ZNF831: variants seen among roughly 807,000 people sequenced by gnomAD.
The protein encoded by ZNF831 is zinc finger protein 831.
Under a neutral mutation model 95.8 loss-of-function variants are expected in ZNF831, and 59 were observed. The observed-to-expected ratio is 0.62, with a 90% CI of 0.50 to 0.77. ZNF831 has a LOEUF of 0.77. Among genes scored for constraint, ZNF831 ranks in the 30% least tolerant of loss-of-function variants. The pLI, the probability that ZNF831 is intolerant of heterozygous loss-of-function variation, is 0.00. For synonymous variants in ZNF831, 961 were observed against 925.5 expected (o/e 1.04, Z -0.70); for missense variants, 2,205 against 2,164.0 (o/e 1.02, Z -0.38).
chr20:59,155,100 A>G (rs142823503), intron 2 of ZNF831, among the ~76,000 whole-genome samples: 2,298 of 152,276 alleles, frequency 0.015, 22 homozygotes, highest in Non-Finnish European at 0.024. Flanking sequence ...ACTTGAATAC[A>G]GTTTCCCTGA....
At chr20:59,211,738 A>T (rs943048563) in intron 4 of ZNF831, among the ~76,000 whole-genome samples, 4 of 151,630 alleles carry the variant, frequency 2.6e-5, no homozygotes, top group Non-Finnish European at 4.4e-5. Context: ...CGCGTCCTGG[A>T]TGGAGAGATC....
chr20:59,130,970 C>T lies in ZNF831; in HGVS notation c.-1425+7465C>T, dbSNP rs1002298511. Among the ~76,000 whole-genome samples, 4 of 152,074 alleles carry T rather than the reference C, an allele frequency of 2.6e-5. No homozygotes were observed. The South Asian group carries it at 8.3e-4, about 32-fold the overall frequency. On this transcript the variant is annotated intron_variant, in intron 1 of 7. Transcript: ENST00000637017. ...CCTCTTATCACAGCTGGTTGTGAGG[C>T]CTGAGTAAATGGGCGTGGAAGCATG...
chr20:59,157,776 C>G (rs1435317302), intron 2 of ZNF831, among the ~76,000 whole-genome samples: 1 of 152,050 alleles, frequency 6.6e-6, no homozygotes, highest in Non-Finnish European at 1.5e-5. Context: ...ACTGATTAGC[C>G]AGCCCCCCAA....
At chr20:59,188,648 C>T (rs1280311591) in intron 1 of ZNF831, among the ~76,000 whole-genome samples, 1 of 149,054 alleles carries the variant, frequency 6.7e-6, no homozygotes, top group African/African-American at 2.5e-5. Context: ...CAGAGTGAGA[C>T]TCCATCTCAA....
At position 59,169,548 on chromosome 20, in the gene ZNF831, T is replaced by C. The variant is rs11908141; in HGVS notation, c.-37+5341T>C. The stretch of plus-strand genomic sequence containing the variant: ...TGGGAGGCTGAGATGGGTGGATCAC[T>C]TGAGGCCAGGAGTTCGAAACCAGCC... On this transcript the variant is annotated intron_variant, in intron 1 of 5. Coordinates refer to ENST00000371030, the MANE Select transcript of ZNF831 (RefSeq NM_178457.3). This position sits in a 1 kb window ranked among gnomAD's most constrained non-coding sequence, Gnocchi z 4.1. Among the ~76,000 whole-genome samples, 16,331 of 152,124 alleles carry C rather than the reference T, an allele frequency of 0.11. 949 individuals carry two copies. Among genetic ancestry groups the C allele is most frequent in the Non-Finnish European group, 0.12 (8,038 of 67,982 alleles).
In ZNF831 at chr20:59,192,401, C is replaced by T. The variant is rs2146565026; in HGVS notation, c.1382C>T (p.Pro461Leu). The change falls in exon 2 of 6, where the codon CCA becomes CTA. Residue 461 changes from proline (P) to leucine (L), a missense_variant. Physicochemically the swap from Pro to Leu is moderately conservative, Grantham distance 98. Coordinates refer to ENST00000371030, the MANE Select transcript of ZNF831 (RefSeq NM_178457.3). The surrounding 1 kb of genome is among the most constrained non-coding windows in gnomAD (Gnocchi z 5.2). ...SFHFDIRALE[P>L]GRRRAPGPVR... is the part of the protein sequence containing the mutation. ...CACTTTGACATCCGCGCGCTGGAGC[C>T]AGGCCGTAGGAGGGCCCCGGGCCCC... is the stretch of plus-strand genomic sequence containing the variant. The T allele has an allele frequency of 6.2e-7, 1 of 1,612,296 alleles. No homozygotes were observed. The highest frequency in any genetic ancestry group is 8.5e-7 in the Non-Finnish European group (1 of 1,179,562).
At chr20:59,214,842 T>C (rs575837695) in intron 4 of ZNF831, among the ~76,000 whole-genome samples, 2 of 152,352 alleles carry the variant, frequency 1.3e-5, no homozygotes, top group East Asian at 3.9e-4. Flanking sequence ...GGCAACGTCA[T>C]TGATTTTGTT....
At chr20:59,251,777 A>G (rs767140435) in intron 4 of ZNF831, among the ~76,000 whole-genome samples, 1 of 152,256 alleles carries the variant, frequency 6.6e-6, no homozygotes, top group Non-Finnish European at 1.5e-5. Flanking sequence ...AAATGAGTCC[A>G]TAGAAAACTC....
chr20:59,236,053 C>T (rs1986982656), intron 4 of ZNF831, among the ~76,000 whole-genome samples: 1 of 152,214 alleles, frequency 6.6e-6, no homozygotes, highest in Non-Finnish European at 1.5e-5. Context: ...ATTTTTCACC[C>T]TGGACCTCTG....
upstream of ZNF831, chr20:59,160,191 C>A (rs1339131216): frequency 6.6e-6 from 1 of 152,314 alleles, no homozygotes; most frequent in Non-Finnish European, 1.5e-5. Context: ...TCATGGCTGA[C>A]CTTGGGAGGA....
At position 59,136,162 on chromosome 20, in the gene ZNF831, C is replaced by T. The variant is rs187872004; in HGVS notation, c.-1424-10069C>T. ...TGCCTCATTCCTTGGCTCATGGCCCCCTTCAAGGCCAGCATAGGCTGTCAA... is the reference window on the plus strand; with the variant it reads ...TGCCTCATTCCTTGGCTCATGGCCCTCTTCAAGGCCAGCATAGGCTGTCAA... On this transcript the variant is annotated intron_variant, in intron 1 of 7. Transcript: ENST00000637017. Among the ~76,000 whole-genome samples the T allele has an allele frequency of 2.2e-3, 339 of 152,278 alleles. 1 individual carries two copies. Among genetic ancestry groups the T allele is most frequent in the African/African-American group, 7.6e-3 (314 of 41,552 alleles).
At chr20:59,152,516 C>T (rs1419039732) in intron 2 of ZNF831, among the ~76,000 whole-genome samples, 3 of 152,078 alleles carry the variant, frequency 2.0e-5, no homozygotes, top group African/African-American at 7.2e-5. Context: ...CCGTGCATGC[C>T]GGGGCAGTGG....
chr20:59,258,362 C>A lies in ZNF831; in HGVS notation c.*3619C>A, dbSNP rs570779788. ...CTTGGCATGAAAGATAAACAATTTG[C>A]AGTCTCATGCCAAAAAGTATTTCCT... On this transcript the variant is annotated 3_prime_UTR_variant, in exon 6 of 6. Coordinates refer to ENST00000371030, the MANE Select transcript of ZNF831 (RefSeq NM_178457.3). The A allele has an allele frequency of 6.5e-6, 1 of 152,760 alleles. No individual in the cohort carries two copies. Among genetic ancestry groups the A allele is most frequent in the South Asian group, 2.1e-4 (1 of 4,826 alleles). 9.5% of individuals were successfully genotyped at this position (152,760 alleles called of 1,614,324 possible). A position where few individuals can be genotyped will look rare whatever the true frequency, so the allele number is the denominator to read the frequency against.
At chr20:59,201,710 A>G (rs1984541860) in intron 3 of ZNF831, among the ~76,000 whole-genome samples, 1 of 152,182 alleles carries the variant, frequency 6.6e-6, no homozygotes, top group African/African-American at 2.4e-5. Context: ...TTGTTCCAGC[A>G]TCATTTGTTG....
In ZNF831 at chr20:59,254,889, C is replaced by T; in HGVS notation, c.*146C>T. 8.7e-7 allele frequency: 1 copy of T among 1,155,188 alleles called. No individual in the cohort carries two copies. The highest frequency in any genetic ancestry group is 1.2e-6 in the Non-Finnish European group (1 of 833,420). 71.6% of individuals were successfully genotyped at this position (1,155,188 alleles called of 1,614,324 possible). On this transcript the variant is annotated 3_prime_UTR_variant, in exon 6 of 6. Transcript: ENST00000371030. This position sits in a 1 kb window ranked among gnomAD's most constrained non-coding sequence, Gnocchi z 4.5. Reference sequence around the variant, plus strand: ...TTTTGAGTTATTTACAAGCCAACTCCAACCAACTTCTGACCCCCAACTCAG... The same window carrying T: ...TTTTGAGTTATTTACAAGCCAACTCTAACCAACTTCTGACCCCCAACTCAG...
intron 1 of ZNF831, among the ~76,000 whole-genome samples, chr20:59,142,900 A>C (rs1332026627): frequency 6.6e-6 from 1 of 151,810 alleles, no homozygotes; most frequent in Non-Finnish European, 1.5e-5. Flanking sequence ...TGTGCTTTTT[A>C]TTTTTATTTT....
chr20:59,207,173 C>T, intron 4 of ZNF831, 117 bp downstream of exon 4: 1 of 1,269,200 alleles, frequency 7.9e-7, no homozygotes, highest in Admixed American at 2.6e-5. Flanking sequence ...AGGGGTCAGG[C>T]CCAAAAGGGA....
At chr20:59,170,759 C>T (rs927830122) in intron 1 of ZNF831, among the ~76,000 whole-genome samples, 2 of 152,160 alleles carry the variant, frequency 1.3e-5, no homozygotes, top group African/African-American at 2.4e-5. Context: ...CAAGGACACA[C>T]GTGGAAGGAG....
At chr20:59,226,623 A>G (rs1433190036) in intron 4 of ZNF831, among the ~76,000 whole-genome samples, 1 of 151,360 alleles carries the variant, frequency 6.6e-6, no homozygotes, top group Admixed American at 6.6e-5. Flanking sequence ...GATGTAGAAG[A>G]AAAAGGCAAA....
Sources: allele counts gnomAD v4.1 joint callset (sites outside exome capture counted in the v4.1 genomes callset), GRCh38; gene constraint gnomAD v4.1.1; non-coding constraint Gnocchi (gnomAD v3.1); transcripts MANE v1.5; gene names NCBI Gene and HGNC (gene_info 2026-07-23, HGNC 2026-07-21).